Variants in ANKRD26 observed in about 807,000 individuals in gnomAD.
ANKRD26 encodes the protein ankyrin repeat domain 26.
Under a neutral mutation model 208.7 loss-of-function variants are expected in ANKRD26, and 141 were observed. That is an observed-to-expected ratio of 0.68 (90% CI 0.59 to 0.78). ANKRD26 has a LOEUF of 0.78. Ranked by LOEUF, ANKRD26 falls within the 30% of genes least tolerant of loss-of-function variation. The pLI, the probability that ANKRD26 is intolerant of heterozygous loss-of-function variation, is 0.00. For synonymous variants in ANKRD26, 636 were observed against 660.4 expected, an observed-to-expected ratio of 0.96 and a Z score of 0.57; for missense variants, 1,889 against 1,938.7, an observed-to-expected ratio of 0.97 and a Z score of 0.48.
At chr10:26,977,099 T>C (rs954780426) in intron 5 of ANKRD26, among the ~76,000 whole-genome samples, 3 of 152,214 alleles carry the variant, frequency 2.0e-5, no homozygotes, top group Non-Finnish European at 4.4e-5. Flanking sequence ...TTAATACCTA[T>C]TCTGTTATTA....
intron 24 of ANKRD26, among the ~76,000 whole-genome samples, chr10:27,033,615 C>A (rs1412740578): frequency 6.6e-6 from 1 of 152,154 alleles, no homozygotes; most frequent in Non-Finnish European, 1.5e-5. Flanking sequence ...ACAACAGATT[C>A]AGCCCATTAT....
exon 6 of ANKRD26, among the ~76,000 whole-genome samples, chr10:26,975,877 T>A (rs891859211): frequency 3.3e-5 from 5 of 151,354 alleles, no homozygotes; most frequent in African/African-American, 1.2e-4. Context: ...AATAAATAAA[T>A]AATAAATAAA....
chr10:27,059,284 T>C (rs1016529419), intron 15 of ANKRD26, among the ~76,000 whole-genome samples: 12 of 152,198 alleles, frequency 7.9e-5, no homozygotes, highest in African/African-American at 2.9e-4. Context: ...TAAAATGGAA[T>C]ACTATAAAGA....
intron 4 of ANKRD26, among the ~76,000 whole-genome samples, chr10:26,982,134 G>T (rs1031946315): frequency 3.3e-5 from 5 of 152,156 alleles, no homozygotes; most frequent in Non-Finnish European, 4.4e-5. Context: ...GCAGAGAGAT[G>T]ACTTTGATTT....
At chr10:27,017,244 T>C (rs911350983) in intron 30 of ANKRD26, among the ~76,000 whole-genome samples, 2 of 152,230 alleles carry the variant, frequency 1.3e-5, no homozygotes, top group African/African-American at 4.8e-5. Flanking sequence ...ATACTTTCTT[T>C]TCCTGATGGT....
rs758199609 is a variant in ANKRD26 at position 27,048,925 on chromosome 10, T to C, written c.1690A>G (p.Ile564Val). The C allele has an allele frequency of 3.1e-6, 5 of 1,611,560 alleles. No homozygotes were observed. The highest frequency in any genetic ancestry group is 2.2e-5 in the South Asian group (2 of 90,702). ...RNNEMEVSAN[I>V]HDGATDDAED... ...GCATCATCAGTAGCACCATCATGTA[T>C]GTTTGCTGATACTTCCATTTCATTA... The change falls in exon 17 of 34, where the codon ATA becomes GTA. Residue 564 changes from isoleucine to valine, a missense_variant. Ile to Val is a conservative substitution (Grantham distance 29). Transcript: ENST00000376087.
At chr10:26,974,637 G>C (rs1412051551) in exon 6 of ANKRD26, among the ~76,000 whole-genome samples, 1 of 152,298 alleles carries the variant, frequency 6.6e-6, no homozygotes, top group East Asian at 1.9e-4. Context: ...ACCGTGCCCG[G>C]CCTACCTCTG....
chr10:27,071,089 T>A (rs2055469853), intron 9 of ANKRD26, among the ~76,000 whole-genome samples: 1 of 152,016 alleles, frequency 6.6e-6, no homozygotes, highest in East Asian at 1.9e-4. Context: ...TATGTGTCCA[T>A]TACATACAGA....
downstream of ANKRD26, among the ~76,000 whole-genome samples, chr10:26,988,325 G>T (rs1391270158): frequency 6.6e-6 from 1 of 152,126 alleles, no homozygotes; most frequent in African/African-American, 2.4e-5. Flanking sequence ...AACTTGGGGT[G>T]AGCACAGCTG....
At chr10:26,951,429 T>C in the ANKRD26 span, among the ~76,000 whole-genome samples, 2 of 152,198 alleles carry the variant, frequency 1.3e-5, no homozygotes, top group African/African-American at 4.8e-5. Flanking sequence ...ATACCTGCAA[T>C]AAATATTTAC....
chr10:26,983,656 T>A (rs1230605702), intron 3 of ANKRD26, among the ~76,000 whole-genome samples: 1 of 152,146 alleles, frequency 6.6e-6, no homozygotes, highest in Non-Finnish European at 1.5e-5. Context: ...CAAATTTGCA[T>A]TACCCCATTT....
At chr10:26,956,704 A>T in the ANKRD26 span, among the ~76,000 whole-genome samples, 2 of 152,084 alleles carry the variant, frequency 1.3e-5, no homozygotes, top group African/African-American at 2.4e-5. Context: ...GTTCTAGAAG[A>T]TATTTTGGAC....
chr10:27,032,766 G>C (rs981797911), intron 25 of ANKRD26, among the ~76,000 whole-genome samples: 2 of 151,600 alleles, frequency 1.3e-5, no homozygotes, highest in African/African-American at 4.9e-5. Flanking sequence ...AGTGAGCTGA[G>C]ACAGTGCCAC....
rs763518714 is a variant in ANKRD26 at position 27,005,728 on chromosome 10, A to G, written c.5000-5T>C. On this transcript the variant is annotated splice_region_variant and splice_polypyrimidine_tract_variant and intron_variant, in intron 33 of 33. Transcript: ENST00000376087. ...CAGATTCCAATTCAGCAGCAGCTAG[A>G]ATGAAAAAGAAAGAATTATATTCCT... 1 of 1,605,656 alleles carries G rather than the reference A, an allele frequency of 6.2e-7. No homozygotes were observed. The highest frequency in any genetic ancestry group is 1.1e-5 in the South Asian group (1 of 88,498).
At chr10:27,072,466 C>A (rs1450958532) in intron 9 of ANKRD26, among the ~76,000 whole-genome samples, 1 of 152,172 alleles carries the variant, frequency 6.6e-6, no homozygotes, top group Non-Finnish European at 1.5e-5. Flanking sequence ...ACTGGCCTCA[C>A]CCAGCCCCCA....
chr10:27,028,037 A>G (rs2053725392), intron 27 of ANKRD26, among the ~76,000 whole-genome samples: 1 of 152,324 alleles, frequency 6.6e-6, no homozygotes, highest in South Asian at 2.1e-4. Flanking sequence ...CAGGTTTAAG[A>G]TAGGCTAGGC....
chr10:26,980,919 T>A (rs1273909799), intron 4 of ANKRD26, among the ~76,000 whole-genome samples: 2 of 152,146 alleles, frequency 1.3e-5, no homozygotes, highest in Non-Finnish European at 2.9e-5. Context: ...TAGAGAGTTA[T>A]CAGTTAGTAT....
chr10:26,966,637 G>C, the ANKRD26 span, among the ~76,000 whole-genome samples: 1 of 152,104 alleles, frequency 6.6e-6, no homozygotes, highest in Non-Finnish European at 1.5e-5. Context: ...TCAATTTTTT[G>C]GTAATCATGC....
intron 29 of ANKRD26, among the ~76,000 whole-genome samples, chr10:27,018,141 AT>A (rs11346457): frequency 0.68 from 88,856 of 131,108 alleles, 29,703 homozygotes; most frequent in East Asian, 0.73. Flanking sequence ...ATGCCCTATA[AT>A]TTTTTTTTTT....
Sources: allele counts gnomAD v4.1 joint callset (sites outside exome capture counted in the v4.1 genomes callset), GRCh38; gene constraint gnomAD v4.1.1; transcripts MANE v1.5; gene names NCBI Gene and HGNC (gene_info 2026-07-23, HGNC 2026-07-21).